CCDC38: variants seen among roughly 807,000 people sequenced by gnomAD.
CCDC38 encodes coiled-coil domain containing 38, also known as coiled-coil domain-containing protein 38.
A neutral mutation model predicts 72.8 loss-of-function variants in CCDC38; 69 were observed. That is an observed-to-expected ratio of 0.95 (90% CI 0.78 to 1.16). The LOEUF is 1.16. CCDC38 is among the 50% of genes most tolerant of loss of function. The pLI is 0.00. For synonymous variants in CCDC38, 201 were observed against 213.2 expected (o/e 0.94, Z 0.50); for missense variants, 626 against 638.9 (o/e 0.98, Z 0.22).
chr12:95,908,034 G>A (rs528994028), intron 4 of CCDC38, among the ~76,000 whole-genome samples: 2 of 152,274 alleles, frequency 1.3e-5, no homozygotes, highest in South Asian at 2.1e-4. Context: ...CTTCCCAGAC[G>A]GGGTGGCGGC....
chr12:95,905,007 T>G (rs2121489227), intron 5 of CCDC38, among the ~76,000 whole-genome samples: 1 of 152,342 alleles, frequency 6.6e-6, no homozygotes, highest in Admixed American at 6.5e-5. Context: ...ACTTTGTGGA[T>G]GCTCAAGTCG....
chr12:95,878,486 C>A, intron 12 of CCDC38, 140 bp from the exon 13 acceptor site: 2 of 743,748 alleles, frequency 2.7e-6, no homozygotes, highest in Non-Finnish European at 2.2e-6. Flanking sequence ...GAAGACATTG[C>A]CAAAGTACAT....
chr12:95,870,390 G>T (rs2079568584), intron 14 of CCDC38, among the ~76,000 whole-genome samples: 1 of 152,138 alleles, frequency 6.6e-6, no homozygotes, highest in African/African-American at 2.4e-5. Flanking sequence ...CTAAATATGT[G>T]ATAGCTATTT....
chr12:95,875,827 G>A (rs758221973), intron 13 of CCDC38, among the ~76,000 whole-genome samples: 4 of 152,094 alleles, frequency 2.6e-5, no homozygotes, highest in Admixed American at 2.0e-4. Context: ...GGAATTTTAC[G>A]TCAATTCTAC....
chr12:95,892,922 C>A (rs777786113), intron 8 of CCDC38, among the ~76,000 whole-genome samples: 22 of 151,990 alleles, frequency 1.4e-4, no homozygotes, highest in African/African-American at 4.4e-4. Context: ...GTTGAGCTGA[C>A]CCAATGCCAG....
intron 1 of CCDC38, among the ~76,000 whole-genome samples, chr12:95,937,225 G>C (rs1200808932): frequency 6.6e-6 from 1 of 152,128 alleles, no homozygotes; most frequent in East Asian, 1.9e-4. Flanking sequence ...CCCTGTACTT[G>C]TGTGACCCTG....
At chr12:95,932,563 A>C (rs2080349510) in intron 2 of CCDC38, among the ~76,000 whole-genome samples, 1 of 152,180 alleles carries the variant, frequency 6.6e-6, no homozygotes, top group Non-Finnish European at 1.5e-5. Context: ...TTAGTATATA[A>C]AAGGCACTAA....
Position 95,898,377 on chromosome 12 carries a change from AC to A in CCDC38, c.614+7del. 6.2e-7 allele frequency: 1 copy of A among 1,614,112 alleles called. No individual in the cohort carries two copies. The highest frequency in any genetic ancestry group is 1.3e-5 in the African/African-American group (1 of 75,038). On this transcript the variant is annotated splice_region_variant and intron_variant, in intron 7 of 15. Coordinates refer to ENST00000344280, the MANE Select transcript of CCDC38 (RefSeq NM_182496.3). ...ATTTGGCCACGAGAAGATTGTGCCC[AC>A]CCTCACCTTTTCACTGCTTGTACCT... is the stretch of plus-strand genomic sequence containing the variant.
intron 5 of CCDC38, among the ~76,000 whole-genome samples, chr12:95,900,149 C>T (rs2121480733): frequency 6.6e-6 from 1 of 152,282 alleles, no homozygotes; most frequent in East Asian, 1.9e-4. Context: ...TCCAGTGCAT[C>T]AGCCTGGAGA....
At position 95,917,165 on chromosome 12, in the gene CCDC38, C is replaced by G; in HGVS notation, c.268G>C (p.Gly90Arg). ...KRSGRSFEKF[G>R]PGPAPIPRLI... ...CTAGGAATCGGAGCAGGACCTGGCC[C>G]AAACTTTTCAAATGACCTACCACTC... Residue 90 changes from glycine to arginine, a missense_variant, in exon 4 of 16, where the codon GGG (glycine) becomes CGG (arginine). Coordinates refer to ENST00000344280, the MANE Select transcript of CCDC38 (RefSeq NM_182496.3). The G allele has an allele frequency of 6.2e-7, 1 of 1,604,080 alleles. No homozygotes were observed. The highest frequency in any genetic ancestry group is 8.5e-7 in the Non-Finnish European group (1 of 1,178,010).
At chr12:95,898,494 G>T in intron 6 of CCDC38, 29 bp from the exon 7 acceptor site, 1 of 1,607,178 alleles carries the variant, frequency 6.2e-7, no homozygotes, top group Non-Finnish European at 8.5e-7. Context: ...CTGTTAATTT[G>T]CTTCTTAGAA....
At chr12:95,912,866 C>T (rs1207992245) in intron 4 of CCDC38, among the ~76,000 whole-genome samples, 1 of 152,014 alleles carries the variant, frequency 6.6e-6, no homozygotes, top group Non-Finnish European at 1.5e-5. Context: ...TTGAGACCAA[C>T]CTGGACAACA....
At chr12:95,876,440 G>C (rs1257140249) in intron 13 of CCDC38, among the ~76,000 whole-genome samples, 1 of 151,754 alleles carries the variant, frequency 6.6e-6, no homozygotes, top group Non-Finnish European at 1.5e-5. Flanking sequence ...TTTTTATGTT[G>C]AAAAGATGAT....
intron 4 of CCDC38, among the ~76,000 whole-genome samples, chr12:95,916,439 A>T (rs1247739629): frequency 7.6e-6 from 1 of 131,746 alleles, no homozygotes; most frequent in African/African-American, 2.8e-5. Context: ...CTTATTTTAA[A>T]CTTTTTAATT....
chr12:95,909,261 A>AT (rs1329366453), intron 4 of CCDC38, among the ~76,000 whole-genome samples: 3 of 152,236 alleles, frequency 2.0e-5, no homozygotes, highest in Non-Finnish European at 2.9e-5. Flanking sequence ...CACAGAGACT[A>AT]TTATGAACAC....
intron 1 of CCDC38, among the ~76,000 whole-genome samples, chr12:95,938,755 T>A (rs1385099548): frequency 6.6e-6 from 1 of 152,112 alleles, no homozygotes; most frequent in Non-Finnish European, 1.5e-5. Context: ...CCCTTTCCAA[T>A]CAGAAAAAAT....
At chr12:95,928,976 T>A (rs569799708) in intron 2 of CCDC38, among the ~76,000 whole-genome samples, 100 of 152,266 alleles carry the variant, frequency 6.6e-4, no homozygotes, top group Non-Finnish European at 1.1e-3. Context: ...TCTGCAGAGG[T>A]TACTGCTGTC....
chr12:95,888,445 GTA>G lies in CCDC38; in HGVS notation c.920+11_920+12del, dbSNP rs1482487425. 6.2e-7 allele frequency: 1 copy of G among 1,612,462 alleles called. No individual in the cohort carries two copies. The highest frequency in any genetic ancestry group is 1.1e-5 in the South Asian group (1 of 91,056). On this transcript the variant is annotated intron_variant, in intron 10 of 15. Coordinates refer to ENST00000344280, the MANE Select transcript of CCDC38 (RefSeq NM_182496.3). ...CCCAGTTTCCAAGGGAGTTAGTCAA[GTA>G]TATACTGTACTTTGATTTCTTTTTC... is the stretch of plus-strand genomic sequence containing the variant.
intron 4 of CCDC38, among the ~76,000 whole-genome samples, chr12:95,916,232 G>C (rs756858340): frequency 1.3e-5 from 2 of 152,144 alleles, no homozygotes; most frequent in South Asian, 2.1e-4. Flanking sequence ...TTCTGAATAA[G>C]TTAACATGGC....
Sources: allele counts gnomAD v4.1 joint callset (sites outside exome capture counted in the v4.1 genomes callset), GRCh38; gene constraint gnomAD v4.1.1; transcripts MANE v1.5; gene names NCBI Gene and HGNC (gene_info 2026-07-23, HGNC 2026-07-21).